KIF2C: variants seen among roughly 807,000 people sequenced by gnomAD.
The protein encoded by KIF2C is kinesin family member 2C.
KIF2C carries 34 observed loss-of-function variants against 97.4 expected under a neutral mutation model. That is an observed-to-expected ratio of 0.35 (90% CI 0.27 to 0.46). The LOEUF (loss-of-function observed/expected upper bound fraction) is 0.46. Ranked by LOEUF, KIF2C falls within the 20% of genes least tolerant of loss-of-function variation. The pLI is 1.00. For synonymous variants in KIF2C, 313 were observed against 318.2 expected, an observed-to-expected ratio of 0.98 and a Z score of 0.17; for missense variants, 750 against 907.6, an observed-to-expected ratio of 0.83 and a Z score of 2.23.
In KIF2C at chr1:44,746,709, A is replaced by G. The variant is rs1481295463; in HGVS notation, c.166-675A>G. 5 of 1,607,982 alleles carry G rather than the reference A, an allele frequency of 3.1e-6. No homozygotes were observed. In the African/African-American group the frequency reaches 5.4e-5, roughly 17 times the overall value. ...CCCTCCTCTTCACCTCATTCTCATCACTGACGTCTACCATTGGCTTGGAAA... is the reference window on the plus strand; with the variant it reads ...CCCTCCTCTTCACCTCATTCTCATCGCTGACGTCTACCATTGGCTTGGAAA... On this transcript the variant is annotated intron_variant, in intron 2 of 20. Coordinates refer to ENST00000372224, the MANE Select transcript of KIF2C (RefSeq NM_006845.4).
intron 1 of KIF2C, among the ~76,000 whole-genome samples, chr1:44,740,394 G>C (rs973305360): frequency 2.2e-4 from 33 of 152,162 alleles, no homozygotes; most frequent in Non-Finnish European, 1.5e-5. Context: ...AGGTAAACGG[G>C]ACAGACAAGA....
intron 19 of KIF2C, among the ~76,000 whole-genome samples, chr1:44,763,173 T>C (rs1246041139): frequency 1.4e-5 from 2 of 145,978 alleles, no homozygotes; most frequent in South Asian, 4.4e-4. Context: ...CGTTCAGTAA[T>C]ATGCTTATAA....
chr1:44,758,913 A>G, intron 13 of KIF2C: 1 of 361,846 alleles, frequency 2.8e-6, no homozygotes, highest in Non-Finnish European at 5.2e-6. Flanking sequence ...GGAGCTATGC[A>G]CTATTCTAAG....
At chr1:44,749,695 C>T (rs1649403448) in intron 4 of KIF2C, among the ~76,000 whole-genome samples, 1 of 150,792 alleles carries the variant, frequency 6.6e-6, no homozygotes, top group South Asian at 2.1e-4. Flanking sequence ...TACTCAGAAA[C>T]TGGGTAGAAG....
Position 44,760,419 on chromosome 1 carries a change from TC to T in KIF2C, c.1509del (p.Ser504ValfsTer18). The T allele has an allele frequency of 6.2e-7, 1 of 1,614,208 alleles. No individual in the cohort carries two copies. The highest frequency in any genetic ancestry group is 2.2e-5 in the East Asian group (1 of 44,886). ...AGGGAATGAGCGAGGCGCGGACACT[TC>T]CAGTGCTGACCGGCAGACCCGCATG... is the stretch of plus-strand genomic sequence containing the variant. ...LAGNERGADT[S>X]SADRQTRMEG... On this transcript the variant is annotated frameshift_variant, in exon 15 of 21. Transcript: ENST00000372224. LOFTEE classifies it high-confidence loss of function. This position sits in a 1 kb window ranked among gnomAD's most constrained non-coding sequence, Gnocchi z 4.2.
rs751818710 is a variant in KIF2C, at chr1:44,747,715, A to C, written c.316+15A>C. ...TCCAAAAGAAAGTAAGTGGATTTCTACTAGCTTACTATCATGGAATTTGTG... is the reference window on the plus strand; with the variant it reads ...TCCAAAAGAAAGTAAGTGGATTTCTCCTAGCTTACTATCATGGAATTTGTG... On this transcript the variant is annotated intron_variant, in intron 4 of 20. Transcript: ENST00000372224. 1.4e-5 allele frequency: 23 copies of C among 1,607,262 alleles called. No homozygotes were observed. In the East Asian group the frequency reaches 4.2e-4, roughly 30 times the overall value.
chr1:44,762,343 C>T lies in KIF2C; in HGVS notation c.1752-3C>T, dbSNP rs760265462. ...GGGATCTGAGACCTCCTTGTTTCCTCAGGGTCAAGGAGCTGAGCCCCCACA... is the reference window on the plus strand; with the variant it reads ...GGGATCTGAGACCTCCTTGTTTCCTTAGGGTCAAGGAGCTGAGCCCCCACA... On this transcript the variant is annotated splice_polypyrimidine_tract_variant and splice_region_variant and intron_variant, in intron 17 of 20. Coordinates refer to ENST00000372224, the MANE Select transcript of KIF2C (RefSeq NM_006845.4). The T allele has an allele frequency of 4.3e-6, 7 of 1,610,884 alleles. No individual in the cohort carries two copies. In the Admixed American group the frequency reaches 5.0e-5, roughly 12 times the overall value.
In KIF2C at chr1:44,748,882, G is replaced by A. The variant is rs557280925; in HGVS notation, c.316+1182G>A. Reference sequence around the variant, plus strand: ...TTTCTTTAGGATGGAGTCTCGCTTTGTTGCCTAAGCTGGTCTTGAACTCCT... The same window carrying A: ...TTTCTTTAGGATGGAGTCTCGCTTTATTGCCTAAGCTGGTCTTGAACTCCT... On this transcript the variant is annotated intron_variant, in intron 4 of 20. Transcript: ENST00000372224. Among the ~76,000 whole-genome samples, 3 of 151,958 alleles carry A rather than the reference G, an allele frequency of 2.0e-5. No individual in the cohort carries two copies. The East Asian group carries it at 5.8e-4, about 29-fold the overall frequency.
chr1:44,739,979 C>T lies in KIF2C; in HGVS notation c.47C>T (p.Ala16Val). 2 of 1,614,238 alleles carry T rather than the reference C, an allele frequency of 1.2e-6. No individual in the cohort carries two copies. The highest frequency in any genetic ancestry group is 1.7e-6 in the Non-Finnish European group (2 of 1,180,044). The change falls in exon 1 of 21, where the codon GCT becomes GTT. Residue 16 changes from alanine to valine, a missense_variant. By Grantham distance (64) the Ala-to-Val change is moderately conservative (BLOSUM62 0). Coordinates refer to ENST00000372224, the MANE Select transcript of KIF2C (RefSeq NM_006845.4). ...SLQARLFPGL[A>V]IKIQRSNGLI... is the part of the protein sequence containing the mutation. ...CAGGCCCGCCTGTTTCCCGGTCTCG[C>T]TATCAAGATCCAACGCAGTAATGGT...
Position 44,739,937 on chromosome 1 carries a change from C to A in KIF2C, c.5C>A (p.Ala2Asp), listed in dbSNP as rs755970522. M[A>D]MDSSLQARLF... Reference sequence around the variant, plus strand: ...TCTTCCTTGCTGACTCTCCGAATGGCCATGGACTCGTCGCTTCAGGCCCGC... The same window carrying A: ...TCTTCCTTGCTGACTCTCCGAATGGACATGGACTCGTCGCTTCAGGCCCGC... The change falls in exon 1 of 21, where the codon GCC becomes GAC. Residue 2 changes from alanine (A) to aspartate (D), a missense_variant. Coordinates refer to ENST00000372224, the MANE Select transcript of KIF2C (RefSeq NM_006845.4). The A allele has an allele frequency of 6.2e-7, 1 of 1,614,130 alleles. No individual in the cohort carries two copies. The highest frequency in any genetic ancestry group is 8.5e-7 in the Non-Finnish European group (1 of 1,179,944).
At chr1:44,751,280 C>T (rs919269724) in intron 5 of KIF2C, among the ~76,000 whole-genome samples, 1 of 152,110 alleles carries the variant, frequency 6.6e-6, no homozygotes, top group African/African-American at 2.4e-5. Context: ...ACTGCAACTT[C>T]CGCCTCCTAG....
At chr1:44,763,802 G>A (rs1266920402) in intron 19 of KIF2C, among the ~76,000 whole-genome samples, 3 of 152,158 alleles carry the variant, frequency 2.0e-5, no homozygotes, top group Admixed American at 1.3e-4. Flanking sequence ...TTGGGAGGCC[G>A]AGGCGGGTGG....
In KIF2C at chr1:44,751,602, G is replaced by A. The variant is rs150438607; in HGVS notation, c.439+1038G>A. 4.8e-3 allele frequency among the ~76,000 whole-genome samples: 705 copies of A among 147,314 alleles called. 3 individuals are homozygous for A. The highest frequency in any genetic ancestry group is 7.2e-3 in the East Asian group (35 of 4,874). ...TGGCTAACCTCAATCTCTGCCTCCC[G>A]GGTTCAATTGATTCTTCTGCCTCAG... On this transcript the variant is annotated intron_variant, in intron 5 of 20. Transcript: ENST00000372224.
At chr1:44,764,567 C>T (rs1237135915) in intron 19 of KIF2C, among the ~76,000 whole-genome samples, 4 of 151,562 alleles carry the variant, frequency 2.6e-5, no homozygotes, top group African/African-American at 7.3e-5. Context: ...TGGAGTGCAA[C>T]GGCACCATCT....
intron 14 of KIF2C, 48 bp downstream of exon 14, chr1:44,759,396 A>G (rs754115497): frequency 1.2e-5 from 20 of 1,607,832 alleles, no homozygotes; most frequent in Non-Finnish European, 1.7e-5. Context: ...TGTCTGGTTT[A>G]TGAGTAAAGT....
chr1:44,764,084 T>C (rs185863359), intron 19 of KIF2C, among the ~76,000 whole-genome samples: 4 of 151,950 alleles, frequency 2.6e-5, no homozygotes, highest in East Asian at 3.9e-4. Flanking sequence ...TCCGTGTTCA[T>C]GGGATTGGAA....
intron 3 of KIF2C, 66 bp from the exon 4 acceptor site, chr1:44,747,586 G>A (rs1649279064): frequency 6.3e-7 from 1 of 1,577,716 alleles, no homozygotes; most frequent in Admixed American, 1.7e-5. Flanking sequence ...ATAGTACATG[G>A]GCCCAGGATG....
intron 1 of KIF2C, 134 bp from the exon 2 acceptor site, chr1:44,740,779 G>GTTTTTTTTT: frequency 4.0e-6 from 1 of 250,422 alleles, no homozygotes; most frequent in Non-Finnish European, 7.9e-6. Flanking sequence ...GTTTCTCTTA[G>GTTTTTTTTT]TTTTTTTTTT....
chr1:44,745,880 TTTTC>T (rs924094681), intron 2 of KIF2C, among the ~76,000 whole-genome samples: 7 of 152,060 alleles, frequency 4.6e-5, no homozygotes, highest in Admixed American at 3.9e-4. Flanking sequence ...TCTTTTTTCT[TTTTC>T]TTTTTTTTTT....
Sources: allele counts gnomAD v4.1 joint callset (sites outside exome capture counted in the v4.1 genomes callset), GRCh38; gene constraint gnomAD v4.1.1; non-coding constraint Gnocchi (gnomAD v3.1); transcripts MANE v1.5; gene names NCBI Gene and HGNC (gene_info 2026-07-23, HGNC 2026-07-21).